The following DCAF6 variants were observed in gnomAD, a reference collection of about 807,000 sequenced individuals.
DCAF6 encodes DDB1- and CUL4-associated factor 6.
In DCAF6, 54 loss-of-function variants were observed where a neutral mutation model predicts 125.1. That is an observed-to-expected ratio of 0.43 (90% confidence interval 0.35 to 0.54). DCAF6 has a LOEUF of 0.54. Among genes scored for constraint, DCAF6 ranks in the 20% least tolerant of loss-of-function variants. The pLI is 0.01. For missense variants in DCAF6, 934 were observed against 1,161.7 expected (o/e 0.80, Z 2.85); for synonymous variants, 371 against 390.4 (o/e 0.95, Z 0.58).
In DCAF6 at chr1:168,003,936, A is replaced by G. The variant is rs1280955662; in HGVS notation, c.1064A>G (p.Glu355Gly). 6.2e-7 allele frequency: 1 copy of G among 1,612,434 alleles called. No homozygotes were observed. The highest frequency in any genetic ancestry group is 1.1e-5 in the South Asian group (1 of 90,996). ...MSDMLSRWFEEASEVAQSNRG... is the reference protein window; with the variant it reads ...MSDMLSRWFEGASEVAQSNRG... Reference sequence around the variant, plus strand: ...GATATGTTATCAAGATGGTTTGAAGAAGCAAGTGAGGTTGCACAAAGCAAT... The same window carrying G: ...GATATGTTATCAAGATGGTTTGAAGGAGCAAGTGAGGTTGCACAAAGCAAT... The change falls in exon 9 of 22, where the codon GAA becomes GGA. Residue 355 changes from glutamate (E) to glycine (G), a missense_variant. Physicochemically the swap from Glu to Gly is moderately conservative, Grantham distance 98. Transcript: ENST00000367840.
the DCAF6 span, among the ~76,000 whole-genome samples, chr1:167,898,899 G>A: frequency 1.6e-4 from 25 of 152,192 alleles, no homozygotes; most frequent in African/African-American, 5.3e-4. Context: ...ATATCCCAGG[G>A]ACAGTTCTGC....
At chr1:167,922,977 G>A in the DCAF6 span, among the ~76,000 whole-genome samples, 454 of 152,196 alleles carry the variant, frequency 3.0e-3, 2 homozygotes, top group African/African-American at 0.01. Flanking sequence ...CATTAGGGAA[G>A]TGCAAATAAA....
intron 1 of DCAF6, among the ~76,000 whole-genome samples, chr1:167,937,692 A>T (rs540829251): frequency 6.6e-6 from 1 of 152,258 alleles, no homozygotes; most frequent in East Asian, 1.9e-4. Context: ...GCTTTCTAAA[A>T]ACAACCTTCA....
chr1:167,997,326 G>C (rs1169404324), intron 7 of DCAF6, among the ~76,000 whole-genome samples: 2 of 152,186 alleles, frequency 1.3e-5, no homozygotes, highest in African/African-American at 4.8e-5. Flanking sequence ...TTTAAGAATA[G>C]TTCGTATGAA....
At chr1:167,977,391 G>A (rs904947526) in intron 4 of DCAF6, among the ~76,000 whole-genome samples, 1 of 151,520 alleles carries the variant, frequency 6.6e-6, no homozygotes, top group Non-Finnish European at 1.5e-5. Context: ...GATAGTTACT[G>A]TATTTCAGAT....
intron 2 of DCAF6, among the ~76,000 whole-genome samples, chr1:167,962,721 C>T (rs1376442557): frequency 4.6e-5 from 7 of 152,010 alleles, no homozygotes; most frequent in South Asian, 4.1e-4. Context: ...TTTGGGAGGT[C>T]GAGGTGGGCG....
chr1:168,072,728 A>C (rs939269470), intron 21 of DCAF6, among the ~76,000 whole-genome samples: 16 of 152,240 alleles, frequency 1.1e-4, no homozygotes, highest in African/African-American at 3.6e-4. Flanking sequence ...AAAGTAAATA[A>C]ATTCTTTGTA....
At chr1:167,905,329 A>C in the DCAF6 span, 1 of 728,282 alleles carries the variant, frequency 1.4e-6, no homozygotes, top group Non-Finnish European at 2.3e-6. Context: ...TTGTTGAGCC[A>C]CACTTCAAAA....
chr1:168,025,472 A>G (rs1158559948), intron 12 of DCAF6, among the ~76,000 whole-genome samples: 1 of 152,220 alleles, frequency 6.6e-6, no homozygotes, highest in Non-Finnish European at 1.5e-5. Context: ...GCTGCACCGT[A>G]GTAGACTATC....
intron 4 of DCAF6, among the ~76,000 whole-genome samples, chr1:167,976,792 G>A (rs1291469463): frequency 6.8e-6 from 1 of 147,892 alleles, no homozygotes; most frequent in Non-Finnish European, 1.5e-5. Context: ...AGATTTACCT[G>A]CATATTTACT....
intron 2 of DCAF6, 89 bp downstream of exon 2, chr1:167,951,950 T>C: frequency 3.9e-6 from 3 of 768,828 alleles, no homozygotes; most frequent in Non-Finnish European, 6.4e-6. Context: ...CCAGAAAGGA[T>C]TGTGACTATA....
chr1:167,918,596 T>A, the DCAF6 span, among the ~76,000 whole-genome samples: 63 of 89,752 alleles, frequency 7.0e-4, 1 homozygote, highest in African/African-American at 2.1e-3. Context: ...GCCAAAAACT[T>A]TTTTTTTTTT....
Position 167,991,235 on chromosome 1 carries a change from C to T in DCAF6, c.584C>T (p.Thr195Met), listed in dbSNP as rs765173203. The T allele has an allele frequency of 6.8e-6, 11 of 1,612,510 alleles. No individual in the cohort carries two copies. Among genetic ancestry groups the T allele is most frequent in the Admixed American group, 1.7e-5 (1 of 59,956 alleles). Residue 195 changes from threonine to methionine, a missense_variant, in exon 6 of 22, where the codon ACG becomes ATG. Physicochemically the swap from Thr to Met is moderately conservative, Grantham distance 81. Coordinates refer to ENST00000367840, the MANE Select transcript of DCAF6 (RefSeq NM_001198956.2). The stretch of plus-strand genomic sequence containing the variant: ...TTAATTAACTGTCGACGTGCTGCCA[C>T]GTCTGTTGCTATTTGCCCACCAATA... ...DILINCRRAATSVAICPPIPY... is the reference protein window; with the variant it reads ...DILINCRRAAMSVAICPPIPY...
At chr1:168,042,749 G>C (rs1219757336) in intron 13 of DCAF6, 1 of 241,852 alleles carries the variant, frequency 4.1e-6, no homozygotes, top group Non-Finnish European at 8.0e-6. Flanking sequence ...AAATTCAATA[G>C]AGAGACATGT....
At chr1:167,988,032 T>A (rs1203356241) in intron 5 of DCAF6, among the ~76,000 whole-genome samples, 1 of 152,142 alleles carries the variant, frequency 6.6e-6, no homozygotes, top group African/African-American at 2.4e-5. Context: ...AACCAATAAT[T>A]ACATGTTATC....
chr1:167,962,714 G>A (rs1258152172), intron 2 of DCAF6, among the ~76,000 whole-genome samples: 1 of 152,152 alleles, frequency 6.6e-6, no homozygotes, highest in Non-Finnish European at 1.5e-5. Context: ...CCAGCACTTT[G>A]GGAGGTCGAG....
chr1:168,010,461 T>TGG (rs1557973203), intron 10 of DCAF6, among the ~76,000 whole-genome samples: 1 of 152,158 alleles, frequency 6.6e-6, no homozygotes, highest in Non-Finnish European at 1.5e-5. Flanking sequence ...TGAAATGGAA[T>TGG]TTAAAATCAG....
At chr1:167,893,831 G>T in the DCAF6 span, 2 of 1,570,344 alleles carry the variant, frequency 1.3e-6, no homozygotes, top group South Asian at 1.1e-5. Context: ...CCCAAAGCCA[G>T]TAAATTCAAT....
Position 168,003,877 on chromosome 1 carries a change from G to C in DCAF6, c.1005G>C (p.Gln335His), listed in dbSNP as rs1173589708. The change falls in exon 9 of 22, where the codon CAG (glutamine) becomes CAC (histidine). Residue 335 changes from glutamine to histidine, a missense_variant. By Grantham distance (24) the Gln-to-His change is conservative. Transcript: ENST00000367840. ...PESERERDGE[Q>H]SPNVSLMQRM... ...AGACCTATATTGTAATAGGAGAGCAGAGTCCCAATGTGTCATTGATGCAGA... is the reference window on the plus strand; with the variant it reads ...AGACCTATATTGTAATAGGAGAGCACAGTCCCAATGTGTCATTGATGCAGA... 6.2e-7 allele frequency: 1 copy of C among 1,610,120 alleles called. No individual in the cohort carries two copies. Among genetic ancestry groups the C allele is most frequent in the South Asian group, 1.1e-5 (1 of 90,802 alleles).
Sources: gnomAD v4.1 joint callset for allele counts (sites outside exome capture counted in the v4.1 genomes callset) on GRCh38, gnomAD v4.1.1 for gene constraint, MANE v1.5 for transcripts, NCBI Gene and HGNC (gene_info 2026-07-23, HGNC 2026-07-21) for gene names.